SGCD: variants seen among roughly 807,000 people sequenced by gnomAD.
The protein encoded by SGCD is sarcoglycan delta.
A neutral mutation model predicts 36.6 loss-of-function variants in SGCD; 18 were observed. That is an observed-to-expected ratio of 0.49 (90% CI 0.34 to 0.73). The LOEUF (loss-of-function observed/expected upper bound fraction) is 0.73. Ranked by LOEUF, SGCD falls within the 30% of genes least tolerant of loss-of-function variation. The probability of loss-of-function intolerance (pLI) is 0.01; values close to 1 mark genes in which losing one functional copy is unlikely to be tolerated. For synonymous variants in SGCD, 133 were observed against 130.6 expected (o/e 1.02, Z -0.12); for missense variants, 387 against 346.7 (o/e 1.12, Z -0.92).
At chr5:156,622,565 C>A (rs866436989) in intron 6 of SGCD, among the ~76,000 whole-genome samples, 1 of 151,058 alleles carries the variant, frequency 6.6e-6, no homozygotes, top group Non-Finnish European at 1.5e-5. Context: ...AAAAGAAAAG[C>A]ATTGCAAATT....
At chr5:156,425,777 C>T (rs556099278) in intron 3 of SGCD, among the ~76,000 whole-genome samples, 2 of 152,094 alleles carry the variant, frequency 1.3e-5, no homozygotes, top group South Asian at 4.2e-4. Context: ...ATTCTCATAG[C>T]TTAGCTCCTA....
Position 156,488,124 on chromosome 5 carries a change from T to TTTTTA in SGCD, c.193-20477_193-20476insTTTTA, listed in dbSNP as rs1429861317. Among the ~76,000 whole-genome samples the TTTTTA allele has an allele frequency of 8.1e-4, 106 of 130,606 alleles. 2 individuals are homozygous for TTTTTA. The highest frequency in any genetic ancestry group is 2.7e-3 in the African/African-American group (95 of 35,164). 85.7% of individuals were successfully genotyped at this position (130,606 alleles called of 152,430 possible). ...TTTTTTTTTTTTTTTTTTTTTTTTT[T>TTTTTA]AAATAACCCAGTTAGACAAAAAATA... On this transcript the variant is annotated intron_variant, in intron 3 of 8. Transcript: ENST00000337851.
intron 3 of SGCD, among the ~76,000 whole-genome samples, chr5:156,319,764 T>C (rs59462784): frequency 0.01 from 1,535 of 152,300 alleles, 29 homozygotes; most frequent in African/African-American, 0.035. Flanking sequence ...TTCTTTTCAG[T>C]TTTCAGTTGT....
At chr5:156,290,714 A>C (rs1404702626) in intron 3 of SGCD, among the ~76,000 whole-genome samples, 1 of 152,208 alleles carries the variant, frequency 6.6e-6, no homozygotes, top group African/African-American at 2.4e-5. Flanking sequence ...CTGGTTTGAT[A>C]GGTATACCTC....
chr5:155,978,674 G>A (rs997556587), intron 1 of SGCD, among the ~76,000 whole-genome samples: 2 of 152,138 alleles, frequency 1.3e-5, no homozygotes, highest in African/African-American at 4.8e-5. Flanking sequence ...CTTTCATGCT[G>A]CCACCTTCTT....
intron 1 of SGCD, among the ~76,000 whole-genome samples, chr5:155,890,635 AGAT>A (rs1296174809): frequency 5.5e-4 from 51 of 92,030 alleles, no homozygotes; most frequent in East Asian, 3.6e-3. Context: ...GTAGATAGAC[AGAT>A]GATAGATAGA....
the SGCD span, among the ~76,000 whole-genome samples, chr5:155,787,532 T>C: frequency 2.0e-5 from 3 of 152,194 alleles, no homozygotes; most frequent in African/African-American, 7.2e-5. Flanking sequence ...TCGGCCACTC[T>C]GCGAATGGAA....
intron 5 of SGCD, 123 bp from the exon 6 acceptor site, chr5:156,594,809 A>G (rs1352908238): frequency 1.1e-5 from 7 of 647,020 alleles, no homozygotes; most frequent in Non-Finnish European, 1.6e-5. Context: ...GTCTCATACA[A>G]TCTTGTTAGA....
chr5:156,175,590 A>G (rs1049168099), intron 3 of SGCD, among the ~76,000 whole-genome samples: 5 of 152,194 alleles, frequency 3.3e-5, no homozygotes, highest in African/African-American at 1.2e-4. Flanking sequence ...AATGTTTTCT[A>G]AGATATTGTT....
chr5:155,877,956 A>G (rs1249984764), intron 1 of SGCD, among the ~76,000 whole-genome samples: 1 of 151,980 alleles, frequency 6.6e-6, no homozygotes, highest in Non-Finnish European at 1.5e-5. Flanking sequence ...AGTCAGCCCC[A>G]CTTTTTGTTT....
chr5:155,858,398 C>A, the SGCD span, among the ~76,000 whole-genome samples: 3 of 152,090 alleles, frequency 2.0e-5, no homozygotes, highest in Admixed American at 2.0e-4. Context: ...GAAGTTATGT[C>A]AATTATCACT....
At chr5:156,055,798 C>T (rs1760042998) in intron 1 of SGCD, among the ~76,000 whole-genome samples, 1 of 145,848 alleles carries the variant, frequency 6.9e-6, no homozygotes, top group Admixed American at 6.9e-5. Flanking sequence ...TCTAGTTCAG[C>T]AGCCAGAAAG....
At chr5:156,452,037 C>T (rs1754043089) in intron 3 of SGCD, among the ~76,000 whole-genome samples, 1 of 152,174 alleles carries the variant, frequency 6.6e-6, no homozygotes, top group African/African-American at 2.4e-5. Context: ...CATGGTCACA[C>T]AGTTGACTTA....
chr5:155,739,297 T>C, the SGCD span, among the ~76,000 whole-genome samples: 1 of 152,170 alleles, frequency 6.6e-6, no homozygotes, highest in Non-Finnish European at 1.5e-5. Context: ...AAAAGATCTT[T>C]CCATGCAGCA....
At chr5:156,703,889 T>C (rs1027443508) in intron 7 of SGCD, among the ~76,000 whole-genome samples, 2 of 152,026 alleles carry the variant, frequency 1.3e-5, no homozygotes, top group Non-Finnish European at 2.9e-5. Context: ...TGTAATGTTG[T>C]GGTACCCTAT....
chr5:156,765,524 T>A lies in SGCD; in HGVS notation c.*6134T>A, dbSNP rs2113209661. 1 of 152,282 alleles carries A rather than the reference T, an allele frequency of 6.6e-6. No homozygotes were observed. Among genetic ancestry groups the A allele is most frequent in the African/African-American group, 2.4e-5 (1 of 41,542 alleles). 9.4% of individuals were successfully genotyped at this position (152,282 alleles called of 1,614,324 possible). ...CTGGATCTGAAGCTACCCGAAGACA[T>A]GGGAAGAGTTGTATTCTATTATTCA... On this transcript the variant is annotated 3_prime_UTR_variant, in exon 9 of 9. Coordinates refer to ENST00000337851, the MANE Select transcript of SGCD (RefSeq NM_000337.6).
intron 1 of SGCD, among the ~76,000 whole-genome samples, chr5:156,048,818 C>A (rs1282466146): frequency 6.6e-6 from 1 of 152,054 alleles, no homozygotes; most frequent in Non-Finnish European, 1.5e-5. Flanking sequence ...CGCAGAAGCT[C>A]TTTAGTTTAA....
At chr5:155,910,013 T>C (rs1185514174) in intron 1 of SGCD, among the ~76,000 whole-genome samples, 1 of 152,078 alleles carries the variant, frequency 6.6e-6, no homozygotes, top group Non-Finnish European at 1.5e-5. Context: ...TAGGCTCATT[T>C]TTTTTCTAAT....
chr5:156,149,821 A>G (rs1452624826), intron 3 of SGCD, among the ~76,000 whole-genome samples: 1 of 152,202 alleles, frequency 6.6e-6, no homozygotes, highest in Non-Finnish European at 1.5e-5. Flanking sequence ...TGAGATGCTG[A>G]AAGTGCAAAT....
Sources: allele counts gnomAD v4.1 joint callset (sites outside exome capture counted in the v4.1 genomes callset), GRCh38; gene constraint gnomAD v4.1.1; transcripts MANE v1.5; gene names NCBI Gene and HGNC (gene_info 2026-07-23, HGNC 2026-07-21).